Variants in DSC1 observed in about 807,000 individuals in gnomAD.
DSC1 encodes desmocollin-1.
Under a neutral mutation model 98.8 loss-of-function variants are expected in DSC1, and 79 were observed. The observed-to-expected ratio is 0.80, with a 90% confidence interval of 0.67 to 0.96. DSC1 has a LOEUF of 0.96. Among genes scored for constraint, DSC1 ranks in the 50% least tolerant of loss-of-function variants. DSC1 has a pLI of 0.00. For missense variants in DSC1, 1,115 were observed against 1,075.9 expected, an observed-to-expected ratio of 1.04 and a Z score of -0.51; for synonymous variants, 405 against 372.1, an observed-to-expected ratio of 1.09 and a Z score of -1.02.
intron 12 of DSC1, 110 bp from the exon 13 acceptor site, chr18:31,134,240 T>C: frequency 7.2e-7 from 1 of 1,392,644 alleles, no homozygotes. Context: ...AAACTCGAAT[T>C]TTTCTTTTTT....
intron 11 of DSC1, among the ~76,000 whole-genome samples, chr18:31,137,621 A>G (rs1296433795): frequency 6.6e-6 from 1 of 152,218 alleles, no homozygotes; most frequent in Non-Finnish European, 1.5e-5. Flanking sequence ...AACAGAATAT[A>G]CATGAGAAAC....
chr18:31,144,500 A>G (rs1255663956), intron 7 of DSC1, among the ~76,000 whole-genome samples: 1 of 152,208 alleles, frequency 6.6e-6, no homozygotes. Flanking sequence ...AAAGAAGCCA[A>G]TCTTAAAAGC....
chr18:31,147,723 C>T (rs1413407393), intron 6 of DSC1, among the ~76,000 whole-genome samples: 1 of 151,934 alleles, frequency 6.6e-6, no homozygotes, highest in African/African-American at 2.4e-5. Context: ...AGGAAAACAA[C>T]ACTGATATTA....
chr18:31,139,619 T>C (rs569170994), intron 11 of DSC1, 129 bp downstream of exon 11: 2 of 991,758 alleles, frequency 2.0e-6, no homozygotes, highest in East Asian at 2.7e-5. Flanking sequence ...TGATATCCAA[T>C]AACATGAACA....
At chr18:31,145,072 T>C (rs1032808067) in intron 7 of DSC1, among the ~76,000 whole-genome samples, 4 of 151,800 alleles carry the variant, frequency 2.6e-5, no homozygotes, top group African/African-American at 9.7e-5. Context: ...CCTGAGTAGC[T>C]GGGACTACAG....
At chr18:31,161,570 C>A (rs146398503) in intron 1 of DSC1, among the ~76,000 whole-genome samples, 12 of 152,188 alleles carry the variant, frequency 7.9e-5, no homozygotes, top group Middle Eastern at 6.8e-3. Flanking sequence ...TAGTGACACC[C>A]TTTTAGTCAG....
rs1988452291 is a variant in DSC1, at chr18:31,130,115, A to C, written c.*399T>G. On this transcript the variant is annotated 3_prime_UTR_variant, in exon 16 of 16. Coordinates refer to ENST00000257198, the MANE Select transcript of DSC1 (RefSeq NM_024421.2). ...ATGTTCTAAGAACATAATTCTCCCC[A>C]AGATTTTGAAGAACATATTTAATTC... 1 of 166,178 alleles carries C rather than the reference A, an allele frequency of 6.0e-6. No individual in the cohort carries two copies. Among genetic ancestry groups the C allele is most frequent in the Admixed American group, 5.8e-5 (1 of 17,190 alleles). The allele number at this position is 166,178 out of a possible 1,614,324, so 10.3% of individuals were successfully genotyped here. A position where few individuals can be genotyped will look rare whatever the true frequency, so the allele number is the denominator to read the frequency against.
At chr18:31,134,370 GT>G (rs971786147) in intron 12 of DSC1, among the ~76,000 whole-genome samples, 2 of 151,700 alleles carry the variant, frequency 1.3e-5, no homozygotes, top group African/African-American at 4.8e-5. Flanking sequence ...GGACTTATAT[GT>G]TTTCTTAAAA....
intron 5 of DSC1, among the ~76,000 whole-genome samples, chr18:31,150,291 C>CCATCATCACCACCACCATCATCAGCAG (rs1598625476): frequency 7.9e-6 from 1 of 127,318 alleles, no homozygotes; most frequent in Admixed American, 8.1e-5. Context: ...ACCACCACCA[C>CCATCATCACCACCACCATCATCAGCAG]CACTACCATC....
rs372827623 is a variant in DSC1, at chr18:31,148,562, A to T, written c.708T>A (p.Asn236Lys). ...LPLIIKIEDD[N>K]DNAPYFEHRV... is the part of the protein sequence containing the mutation. ...TGTGTTCAAAATATGGGGCGTTATC[A>T]TTATCATCTTCAATTTTGATGATCA... Residue 236 changes from asparagine (N) to lysine (K), a missense_variant, in exon 6 of 16, where the codon AAT becomes AAA. Physicochemically the swap from Asn to Lys is moderately conservative, Grantham distance 94 (BLOSUM62 0). Transcript: ENST00000257198. The T allele has an allele frequency of 6.2e-7, 1 of 1,612,822 alleles. No homozygotes were observed. The highest frequency in any genetic ancestry group is 1.1e-5 in the South Asian group (1 of 90,960).
At chr18:31,133,792 C>A in intron 13 of DSC1, 99 bp downstream of exon 13, 2 of 1,216,906 alleles carry the variant, frequency 1.6e-6, no homozygotes, top group Non-Finnish European at 1.1e-6. Context: ...AAAGAACACA[C>A]TTCCCAAAGG....
chr18:31,149,106 T>C (rs1278867729), intron 5 of DSC1, among the ~76,000 whole-genome samples: 5 of 152,336 alleles, frequency 3.3e-5, no homozygotes, highest in East Asian at 1.9e-4. Flanking sequence ...CATGTATTTC[T>C]TTGCAATAAA....
At chr18:31,162,321 A>G (rs1390389138) in intron 1 of DSC1, among the ~76,000 whole-genome samples, 1 of 152,168 alleles carries the variant, frequency 6.6e-6, no homozygotes, top group Admixed American at 6.5e-5. Flanking sequence ...ACACTCTGGC[A>G]GTGGGTGCTT....
At chr18:31,141,708 AG>A (rs1430611254) in intron 9 of DSC1, among the ~76,000 whole-genome samples, 2 of 152,164 alleles carry the variant, frequency 1.3e-5, no homozygotes, top group African/African-American at 2.4e-5. Flanking sequence ...AATGTGGACA[AG>A]TAAGTGTCTA....
At position 31,159,379 on chromosome 18, in the gene DSC1, T is replaced by A. The variant is rs949408330; in HGVS notation, c.148+66A>T. ...ACTATGTGGTTTTTATCCCAAACTTTACAAGAGCAGCCTGCAGCTAAATGT... is the reference window on the plus strand; with the variant it reads ...ACTATGTGGTTTTTATCCCAAACTTAACAAGAGCAGCCTGCAGCTAAATGT... On this transcript the variant is annotated intron_variant, in intron 2 of 15. Transcript: ENST00000257198. 4.9e-5 allele frequency: 76 copies of A among 1,546,864 alleles called. No individual in the cohort carries two copies. In the African/African-American group the frequency reaches 6.0e-4, roughly 12 times the overall value.
intron 8 of DSC1, among the ~76,000 whole-genome samples, chr18:31,142,698 A>T (rs1029997525): frequency 3.3e-5 from 5 of 152,108 alleles, no homozygotes; most frequent in African/African-American, 1.2e-4. Context: ...ATTAAACAAT[A>T]GCCCTCCACA....
intron 15 of DSC1, 179 bp downstream of exon 15, chr18:31,131,415 T>C: frequency 1.2e-6 from 1 of 862,806 alleles, no homozygotes; most frequent in Non-Finnish European, 1.7e-6. Context: ...TTTTCAAAGG[T>C]GAATTTTCAA....
chr18:31,137,624 T>G (rs973670845), intron 11 of DSC1, among the ~76,000 whole-genome samples: 1 of 152,152 alleles, frequency 6.6e-6, no homozygotes, highest in African/African-American at 2.4e-5. Flanking sequence ...AGAATATACA[T>G]GAGAAACAAT....
At chr18:31,150,163 CACCATCACCACCACT>C (rs1475603924) in intron 5 of DSC1, among the ~76,000 whole-genome samples, 4 of 148,126 alleles carry the variant, frequency 2.7e-5, no homozygotes, top group East Asian at 2.0e-4. Context: ...TCACCACCAC[CACCATCACCACCACT>C]ACCATCACCA....
Sources: allele counts gnomAD v4.1 joint callset (sites outside exome capture counted in the v4.1 genomes callset), GRCh38; gene constraint gnomAD v4.1.1; transcripts MANE v1.5; gene names NCBI Gene and HGNC (gene_info 2026-07-23, HGNC 2026-07-21).